Variants in TYK2 observed in about 807,000 individuals in gnomAD.
TYK2 encodes non-receptor tyrosine-protein kinase TYK2.
A neutral mutation model predicts 130.9 loss-of-function variants in TYK2; 65 were observed. The observed-to-expected ratio is 0.50, with a 90% confidence interval of 0.41 to 0.61. TYK2 has a LOEUF of 0.61. TYK2 is among the 20% of genes least tolerant of loss of function. The pLI is 0.00. For missense variants in TYK2, 1,378 were observed against 1,610.7 expected (o/e 0.86, Z 2.47); for synonymous variants, 647 against 658.9 (o/e 0.98, Z 0.28).
At chr19:10,371,669 G>A (rs115890327) in intron 3 of TYK2, among the ~76,000 whole-genome samples, 9 of 152,086 alleles carry the variant, frequency 5.9e-5, no homozygotes, top group African/African-American at 2.2e-4. Context: ...GTAAATGTGT[G>A]GTATTATACT....
chr19:10,362,103 C>G lies in TYK2; in HGVS notation c.1748G>C (p.Arg583Pro), dbSNP rs771605702. The part of the protein sequence containing the change: ...TLNLSQLSFH[R>P]VDQKEITQLS... The stretch of plus-strand genomic sequence containing the variant: ...CTGGGTGATCTCCTTCTGGTCAACC[C>G]GGTGGAAGCTGAGCTGGCTGAGGTT... Residue 583 changes from arginine (R) to proline (P), a missense_variant, in exon 12 of 25, where the codon CGG becomes CCG. Transcript: ENST00000525621. The G allele has an allele frequency of 3.1e-6, 5 of 1,614,122 alleles. No homozygotes were observed. In the South Asian group the frequency reaches 5.5e-5, roughly 18 times the overall value.
At chr19:10,360,166 A>G (rs1019139987) in intron 14 of TYK2, among the ~76,000 whole-genome samples, 1 of 151,998 alleles carries the variant, frequency 6.6e-6, no homozygotes, top group African/African-American at 2.4e-5. Flanking sequence ...TGGGTGACAC[A>G]GTGAGACTCC....
intron 3 of TYK2, chr19:10,369,657 T>A: frequency 2.3e-6 from 1 of 440,580 alleles, no homozygotes; most frequent in East Asian, 7.2e-5. Flanking sequence ...CACCTTCAAA[T>A]GCAAACCTCA....
At chr19:10,379,234 T>C (rs1383597479) in intron 2 of TYK2, among the ~76,000 whole-genome samples, 2 of 151,472 alleles carry the variant, frequency 1.3e-5, no homozygotes, top group Non-Finnish European at 2.9e-5. Context: ...GAGGCTGAAG[T>C]GGGAGGATCT....
chr19:10,353,691 G>T lies in TYK2; in HGVS notation c.2909-45C>A. The stretch of plus-strand genomic sequence containing the variant: ...CCCCGGTGGGGGACGATAGAGGGCG[G>T]GCCGGGGACCGCCTACCTTGAGCCC... On this transcript the variant is annotated intron_variant, in intron 20 of 24. Transcript: ENST00000525621. This position sits in a 1 kb window ranked among gnomAD's most constrained non-coding sequence, Gnocchi z 6.9. The T allele has an allele frequency of 7.1e-7, 1 of 1,408,928 alleles. No homozygotes were observed. Among genetic ancestry groups the T allele is most frequent in the South Asian group, 1.5e-5 (1 of 65,140 alleles). 87.3% of individuals were successfully genotyped at this position (1,408,928 alleles called of 1,614,324 possible). A position where few individuals can be genotyped will look rare whatever the true frequency, so the allele number is the denominator to read the frequency against.
chr19:10,368,630 C>T, intron 3 of TYK2: 1 of 603,918 alleles, frequency 1.7e-6, no homozygotes. Flanking sequence ...GCCTCCCTTG[C>T]AGCTAGGATG....
At chr19:10,352,381 CCTTT>C (rs1241448289) in intron 23 of TYK2, 49 bp downstream of exon 23, 13 of 1,238,776 alleles carry the variant, frequency 1.0e-5, no homozygotes, top group Middle Eastern at 2.2e-4. Flanking sequence ...CCAGCCTATG[CCTTT>C]CTAATTGCTC....
chr19:10,366,409 C>G lies in TYK2; in HGVS notation c.629+8G>C. On this transcript the variant is annotated splice_region_variant and intron_variant, in intron 6 of 24. Coordinates refer to ENST00000525621, the MANE Select transcript of TYK2 (RefSeq NM_003331.5). ...CCTACACAGCGTCCCCACCCCATTC[C>G]CAGACACCTGGTCTTCTTGGCCACC... 2 of 1,612,122 alleles carry G rather than the reference C, an allele frequency of 1.2e-6. No individual in the cohort carries two copies. The highest frequency in any genetic ancestry group is 1.7e-4 in the Middle Eastern group (1 of 6,044).
Position 10,353,989 on chromosome 19 carries a change from C to T in TYK2, c.2908+53G>A. ...CTGGCCCCGCCCACAAGGCCACACCCACGCTCTAACCACGCCCCCTCAAGT... is the reference window on the plus strand; with the variant it reads ...CTGGCCCCGCCCACAAGGCCACACCTACGCTCTAACCACGCCCCCTCAAGT... On this transcript the variant is annotated intron_variant, in intron 20 of 24. Transcript: ENST00000525621. This position sits in a 1 kb window ranked among gnomAD's most constrained non-coding sequence, Gnocchi z 6.9. 6.3e-7 allele frequency: 1 copy of T among 1,582,618 alleles called. No homozygotes were observed. The highest frequency in any genetic ancestry group is 8.7e-7 in the Non-Finnish European group (1 of 1,154,246).
intron 17 of TYK2, 171 bp downstream of exon 17, chr19:10,357,592 TA>T: frequency 2.2e-6 from 2 of 894,130 alleles, no homozygotes; most frequent in Non-Finnish European, 3.6e-6. Context: ...CACAAGGACC[TA>T]AAAAGGCTGG....
In TYK2 at chr19:10,353,499, C is replaced by T. The variant is rs768261169; in HGVS notation, c.3027+29G>A. ...CCCAAGCTGAAGAGGAAGGGGCAAG[C>T]TCCAGAAGCAGGGGCGGGGCCGACC... On this transcript the variant is annotated intron_variant, in intron 21 of 24. Coordinates refer to ENST00000525621, the MANE Select transcript of TYK2 (RefSeq NM_003331.5). This position sits in a 1 kb window ranked among gnomAD's most constrained non-coding sequence, Gnocchi z 6.9. The T allele has an allele frequency of 2.1e-6, 3 of 1,460,464 alleles. No homozygotes were observed. The highest frequency in any genetic ancestry group is 1.4e-5 in the South Asian group (1 of 70,046). The allele number at this position is 1,460,464 out of a possible 1,614,324, so 90.5% of individuals were successfully genotyped here. A position where few individuals can be genotyped will look rare whatever the true frequency, so the allele number is the denominator to read the frequency against.
chr19:10,357,377 G>A (rs976995398), intron 17 of TYK2: 4 of 631,442 alleles, frequency 6.3e-6, no homozygotes, highest in Non-Finnish European at 1.1e-5. Flanking sequence ...CAATTAGAGT[G>A]GAACTTCGTC....
intron 23 of TYK2, 21 bp downstream of exon 23, chr19:10,352,413 G>A: frequency 6.6e-7 from 1 of 1,512,404 alleles, no homozygotes; most frequent in Non-Finnish European, 9.2e-7. Context: ...CTCCCGGTGG[G>A]GCTGCGGGCC....
chr19:10,366,031 G>T, intron 6 of TYK2, 133 bp from the exon 7 acceptor site: 1 of 1,022,994 alleles, frequency 9.8e-7, no homozygotes, highest in Non-Finnish European at 1.4e-6. Context: ...AGCCAGGTGT[G>T]GTGACTTGAG....
At chr19:10,377,552 GTGGGTGGA>G (rs2042181994) in intron 3 of TYK2, among the ~76,000 whole-genome samples, 1 of 82,146 alleles carries the variant, frequency 1.2e-5, no homozygotes, top group Admixed American at 1.5e-4. Context: ...GGATGGGTGG[GTGGGTGGA>G]TGGATGGGTG....
intron 3 of TYK2, among the ~76,000 whole-genome samples, chr19:10,375,238 C>G (rs1161030491): frequency 2.0e-5 from 3 of 151,854 alleles, no homozygotes; most frequent in African/African-American, 7.3e-5. Flanking sequence ...GATTACAATG[C>G]CCCCATCCAG....
intron 3 of TYK2, among the ~76,000 whole-genome samples, chr19:10,371,668 T>G (rs2037898337): frequency 6.6e-6 from 1 of 151,706 alleles, no homozygotes; most frequent in African/African-American, 2.4e-5. Context: ...TGTAAATGTG[T>G]GGTATTATAC....
At position 10,351,107 on chromosome 19, in the gene TYK2, G is replaced by T. The variant is rs771744174; in HGVS notation, c.3374C>A (p.Thr1125Asn). 1 of 1,614,166 alleles carries T rather than the reference G, an allele frequency of 6.2e-7. No homozygotes were observed. The highest frequency in any genetic ancestry group is 8.5e-7 in the Non-Finnish European group (1 of 1,180,036). Residue 1125 changes from threonine to asparagine, a missense_variant, in exon 24 of 25, where the codon ACT becomes AAT. Transcript: ENST00000525621. The stretch of plus-strand genomic sequence containing the variant: ...CCTCTCCCCTCGTTCCAGCAACTCA[G>T]TGAGTCTCAGAACTGTCATCTGACC... Reference protein sequence around the residue: ...AQGQMTVLRLTELLERGERLP... With the variant: ...AQGQMTVLRLNELLERGERLP...
Position 10,354,246 on chromosome 19 carries a change from C to T in TYK2, c.2716-12G>A, listed in dbSNP as rs577565850. On this transcript the variant is annotated splice_polypyrimidine_tract_variant and intron_variant, in intron 19 of 24. Coordinates refer to ENST00000525621, the MANE Select transcript of TYK2 (RefSeq NM_003331.5). ...TTGCCGAAGTGACCCTGGTCGGGAGCGCACGAGGGTCAGCTCCACCTCCCC... is the reference window on the plus strand; with the variant it reads ...TTGCCGAAGTGACCCTGGTCGGGAGTGCACGAGGGTCAGCTCCACCTCCCC... 29 of 1,609,706 alleles carry T rather than the reference C, an allele frequency of 1.8e-5. No individual in the cohort carries two copies. The African/African-American group carries it at 2.1e-4, about 12-fold the overall frequency.
Sources: allele counts gnomAD v4.1 joint callset (sites outside exome capture counted in the v4.1 genomes callset), GRCh38; gene constraint gnomAD v4.1.1; non-coding constraint Gnocchi (gnomAD v3.1); transcripts MANE v1.5; gene names NCBI Gene and HGNC (gene_info 2026-07-23, HGNC 2026-07-21).